The following RANBP2 variants were observed in gnomAD, a reference collection of about 807,000 sequenced individuals.
The protein encoded by RANBP2 is RAN binding protein 2, also known as E3 SUMO-protein ligase RanBP2.
Under a neutral mutation model 303.6 loss-of-function variants are expected in RANBP2, and 57 were observed. That is an observed-to-expected ratio of 0.19 (90% CI 0.15 to 0.23). The LOEUF (loss-of-function observed/expected upper bound fraction) is 0.23. Among genes scored for constraint, RANBP2 ranks in the 10% least tolerant of loss-of-function variants. The pLI, the probability that RANBP2 is intolerant of heterozygous loss-of-function variation, is 1.00. For synonymous variants in RANBP2, 1,167 were observed against 1,301.5 expected (o/e 0.90, Z 2.23); for missense variants, 3,138 against 3,780.8 (o/e 0.83, Z 4.46).
the RANBP2 span, among the ~76,000 whole-genome samples, chr2:108,843,734 T>C: frequency 6.7e-6 from 1 of 149,474 alleles, no homozygotes; most frequent in East Asian, 2.0e-4. Flanking sequence ...GTCTTGGTGT[T>C]GATCTCTTTA....
At chr2:109,215,158 C>G in the RANBP2 span, among the ~76,000 whole-genome samples, 2 of 152,218 alleles carry the variant, frequency 1.3e-5, no homozygotes, top group Non-Finnish European at 2.9e-5. Flanking sequence ...CTGTGTTTCT[C>G]TCTCTCTGAG....
chr2:108,761,732 G>A (rs962186898), intron 18 of RANBP2, among the ~76,000 whole-genome samples: 2 of 152,014 alleles, frequency 1.3e-5, no homozygotes, highest in Admixed American at 6.6e-5. Context: ...TTGACCATCA[G>A]ATGGCATCTT....
At chr2:109,129,727 C>T in the RANBP2 span, 6 of 1,538,242 alleles carry the variant, frequency 3.9e-6, no homozygotes, top group Non-Finnish European at 5.2e-6. Context: ...GTGTCTGGAG[C>T]GCCTGGACAC....
At chr2:108,731,670 A>T in intron 4 of RANBP2, 196 bp downstream of exon 4, 3 of 1,080,562 alleles carry the variant, frequency 2.8e-6, no homozygotes, top group Non-Finnish European at 3.8e-6. Flanking sequence ...TATAAGTGAC[A>T]TCTCATTTAC....
chr2:109,348,931 C>T, the RANBP2 span, among the ~76,000 whole-genome samples: 5 of 152,174 alleles, frequency 3.3e-5, no homozygotes, highest in African/African-American at 1.2e-4. Context: ...TCCCTTATGT[C>T]GGCCTCACTG....
the RANBP2 span, among the ~76,000 whole-genome samples, chr2:109,135,313 A>C: frequency 1.3e-5 from 2 of 152,154 alleles, no homozygotes; most frequent in African/African-American, 4.8e-5. Context: ...CTCCCCCAGG[A>C]CACGTGGAAG....
the RANBP2 span, among the ~76,000 whole-genome samples, chr2:109,540,662 GAAAA>G: frequency 7.3e-6 from 1 of 137,362 alleles, no homozygotes; most frequent in East Asian, 2.1e-4. Flanking sequence ...ACCAAAAAAG[GAAAA>G]AAAAAAAAAA....
the RANBP2 span, among the ~76,000 whole-genome samples, chr2:108,984,229 CCAA>C: frequency 1.3e-5 from 2 of 152,200 alleles, no homozygotes; most frequent in African/African-American, 4.8e-5. Context: ...TGCACCTCAG[CCAA>C]GCCAACTCTC....
chr2:109,376,487 C>T, the RANBP2 span, among the ~76,000 whole-genome samples: 2 of 152,152 alleles, frequency 1.3e-5, no homozygotes, highest in African/African-American at 2.4e-5. Context: ...CAGTGATTCT[C>T]GTCTGCGAGG....
the RANBP2 span, among the ~76,000 whole-genome samples, chr2:109,402,764 T>TG: frequency 1.3e-5 from 2 of 152,144 alleles, no homozygotes; most frequent in Non-Finnish European, 2.9e-5. Flanking sequence ...TTCTGGGCCA[T>TG]GGGGGGCAGA....
the RANBP2 span, among the ~76,000 whole-genome samples, chr2:108,943,205 A>G: frequency 6.6e-6 from 1 of 152,210 alleles, no homozygotes; most frequent in African/African-American, 2.4e-5. Flanking sequence ...TTTCAAGTAC[A>G]GTAACGGGAA....
chr2:109,648,715 G>A, the RANBP2 span, among the ~76,000 whole-genome samples: 25 of 149,854 alleles, frequency 1.7e-4, no homozygotes, highest in Admixed American at 2.7e-4. Flanking sequence ...GTGCAGTGGC[G>A]TGATCTTGGC....
chr2:109,651,273 C>T, the RANBP2 span, among the ~76,000 whole-genome samples: 54 of 152,250 alleles, frequency 3.5e-4, no homozygotes, highest in African/African-American at 1.3e-3. Context: ...TACTCCCTGG[C>T]TCATGGCATC....
the RANBP2 span, among the ~76,000 whole-genome samples, chr2:109,051,889 C>G: frequency 6.6e-6 from 1 of 151,998 alleles, no homozygotes; most frequent in Non-Finnish European, 1.5e-5. Context: ...GCTGGGACTA[C>G]AGGCGCCCAC....
chr2:109,065,534 A>C, the RANBP2 span, among the ~76,000 whole-genome samples: 10 of 152,152 alleles, frequency 6.6e-5, no homozygotes, highest in African/African-American at 2.4e-4. Context: ...GCGCAGCCCC[A>C]AGTGTCAGGG....
chr2:109,083,244 T>A, the RANBP2 span, among the ~76,000 whole-genome samples: 1 of 152,184 alleles, frequency 6.6e-6, no homozygotes, highest in Non-Finnish European at 1.5e-5. Context: ...TATAACTCTT[T>A]GTACCTTCTC....
intron 25 of RANBP2, among the ~76,000 whole-genome samples, chr2:108,777,736 A>G (rs1431540355): frequency 6.6e-6 from 1 of 152,158 alleles, no homozygotes; most frequent in Non-Finnish European, 1.5e-5. Context: ...TTTCTAGAAA[A>G]GAATCCATTT....
At chr2:108,791,740 A>C in the RANBP2 span, 14 of 1,606,004 alleles carry the variant, frequency 8.7e-6, no homozygotes, top group Middle Eastern at 1.7e-4. Context: ...GAGTTAATTG[A>C]AAATGATTAT....
chr2:109,677,454 A>G, the RANBP2 span, among the ~76,000 whole-genome samples: 1 of 152,140 alleles, frequency 6.6e-6, no homozygotes, highest in African/African-American at 2.4e-5. Context: ...CATGTACCCA[A>G]CAGAGCCCCT....
Sources: gnomAD v4.1 joint callset for allele counts (sites outside exome capture counted in the v4.1 genomes callset) on GRCh38, gnomAD v4.1.1 for gene constraint, MANE v1.5 for transcripts, NCBI Gene and HGNC (gene_info 2026-07-23, HGNC 2026-07-21) for gene names.